DENND5A: variants seen among roughly 807,000 people sequenced by gnomAD.
The protein encoded by DENND5A is DENN domain containing 5A.
DENND5A carries 64 observed loss-of-function variants against 140.3 expected under a neutral mutation model. That is an observed-to-expected ratio of 0.46 (90% CI 0.37 to 0.56). The LOEUF is 0.56. Among genes scored for constraint, DENND5A ranks in the 20% least tolerant of loss-of-function variants. The pLI is 0.00. For missense variants in DENND5A, 1,292 were observed against 1,593.8 expected, an observed-to-expected ratio of 0.81 and a Z score of 3.22; for synonymous variants, 605 against 607.7, an observed-to-expected ratio of 1.00 and a Z score of 0.07.
chr11:9,156,748 G>C (rs138731886), intron 12 of DENND5A, among the ~76,000 whole-genome samples: 3,549 of 152,088 alleles, frequency 0.023, 157 homozygotes, highest in African/African-American at 0.081. Context: ...GTTGCAGTGA[G>C]CTGAGATCAT....
intron 1 of DENND5A, among the ~76,000 whole-genome samples, chr11:9,233,508 T>C (rs950595006): frequency 2.0e-5 from 3 of 151,854 alleles, no homozygotes; most frequent in African/African-American, 7.3e-5. Flanking sequence ...CCAGAAGCTA[T>C]GAATGTTATC....
intron 1 of DENND5A, among the ~76,000 whole-genome samples, chr11:9,227,710 C>T (rs974461163): frequency 2.0e-5 from 3 of 151,904 alleles, no homozygotes; most frequent in South Asian, 4.2e-4. Flanking sequence ...TGTAATCTAA[C>T]ACTATGGGAG....
chr11:9,223,063 T>C (rs1232191830), intron 1 of DENND5A, among the ~76,000 whole-genome samples: 1 of 152,234 alleles, frequency 6.6e-6, no homozygotes, highest in African/African-American at 2.4e-5. Flanking sequence ...TAGAATGATC[T>C]AGAATACAAG....
intron 1 of DENND5A, among the ~76,000 whole-genome samples, chr11:9,240,964 G>A (rs1029439098): frequency 6.6e-6 from 1 of 152,170 alleles, no homozygotes; most frequent in Non-Finnish European, 1.5e-5. Flanking sequence ...CCAAAATTTG[G>A]AAGTTCTTTC....
chr11:9,201,612 G>C (rs1849526555), intron 4 of DENND5A, among the ~76,000 whole-genome samples: 1 of 152,170 alleles, frequency 6.6e-6, no homozygotes, highest in Non-Finnish European at 1.5e-5. Context: ...CGAGGCTGCA[G>C]TGAGCCATGA....
At chr11:9,239,186 A>G (rs1354834854) in intron 1 of DENND5A, among the ~76,000 whole-genome samples, 1 of 151,582 alleles carries the variant, frequency 6.6e-6, no homozygotes, top group Non-Finnish European at 1.5e-5. Context: ...TTAAAACTCA[A>G]CATTTTATTT....
At chr11:9,151,145 C>T (rs1461316699) in intron 13 of DENND5A, among the ~76,000 whole-genome samples, 1 of 152,204 alleles carries the variant, frequency 6.6e-6, no homozygotes, top group Non-Finnish European at 1.5e-5. Flanking sequence ...TCCACAGAAG[C>T]AGTGCTTCCA....
intron 12 of DENND5A, among the ~76,000 whole-genome samples, chr11:9,154,481 T>TAGGGGTATATAG (rs918421555): frequency 4.6e-5 from 7 of 152,112 alleles, no homozygotes; most frequent in Admixed American, 3.9e-4. Flanking sequence ...CCCATGAGAA[T>TAGGGGTATATAG]ACTGAGGGTC....
chr11:9,183,499 C>G (rs1848803562), intron 5 of DENND5A, among the ~76,000 whole-genome samples: 1 of 151,238 alleles, frequency 6.6e-6, no homozygotes, highest in Non-Finnish European at 1.5e-5. Flanking sequence ...TGCAGTGGCA[C>G]AGTCATGGCT....
intron 1 of DENND5A, among the ~76,000 whole-genome samples, chr11:9,248,491 C>CA (rs1222188733): frequency 6.6e-6 from 1 of 151,922 alleles, no homozygotes; most frequent in African/African-American, 2.4e-5. Flanking sequence ...ACTATCTCTA[C>CA]AAAAAATTTA....
intron 3 of DENND5A, 83 bp from the exon 4 acceptor site, chr11:9,204,400 A>AG: frequency 7.5e-7 from 1 of 1,339,184 alleles, no homozygotes; most frequent in East Asian, 2.3e-5. Flanking sequence ...TTATTTATTT[A>AG]TAGAGCACCT....
At chr11:9,151,629 A>G (rs1256693971) in intron 13 of DENND5A, among the ~76,000 whole-genome samples, 1 of 152,148 alleles carries the variant, frequency 6.6e-6, no homozygotes, top group African/African-American at 2.4e-5. Context: ...AATGTCTGGC[A>G]GAGTGGAGAA....
At chr11:9,162,111 A>G (rs1375573997) in intron 11 of DENND5A, among the ~76,000 whole-genome samples, 2 of 151,022 alleles carry the variant, frequency 1.3e-5, no homozygotes, top group East Asian at 3.8e-4. Flanking sequence ...ACTTTTCAGA[A>G]GCAACAACTC....
At chr11:9,197,920 G>T (rs1361786334) in intron 4 of DENND5A, among the ~76,000 whole-genome samples, 3 of 152,090 alleles carry the variant, frequency 2.0e-5, no homozygotes, top group African/African-American at 4.8e-5. Context: ...ACTTTAGATA[G>T]TAAAATATCA....
At chr11:9,178,094 C>A in intron 8 of DENND5A, 38 bp downstream of exon 8, 1 of 1,387,758 alleles carries the variant, frequency 7.2e-7, no homozygotes, top group East Asian at 2.3e-5. Context: ...ATGCCATAAT[C>A]CAAGAGGCCT....
At chr11:9,193,396 A>C (rs1849207334) in intron 5 of DENND5A, 98 bp downstream of exon 5, 1 of 971,490 alleles carries the variant, frequency 1.0e-6, no homozygotes, top group East Asian at 2.8e-5. Flanking sequence ...AATAGAAGAA[A>C]ATAAACTTGG....
intron 1 of DENND5A, among the ~76,000 whole-genome samples, chr11:9,245,034 C>T (rs1007864844): frequency 6.6e-6 from 1 of 151,334 alleles, no homozygotes; most frequent in Admixed American, 6.6e-5. Flanking sequence ...CCTGTAATCC[C>T]AGCACTTTGG....
At chr11:9,174,357 A>G (rs989351555) in intron 8 of DENND5A, among the ~76,000 whole-genome samples, 1 of 151,788 alleles carries the variant, frequency 6.6e-6, no homozygotes, top group African/African-American at 2.4e-5. Context: ...GCCTACAATA[A>G]ATACCCTTTA....
chr11:9,248,963 C>T (rs1473659281), intron 1 of DENND5A, among the ~76,000 whole-genome samples: 3 of 152,054 alleles, frequency 2.0e-5, no homozygotes, highest in African/African-American at 4.8e-5. Flanking sequence ...CCTGGCTGGG[C>T]GCGGTGGCTC....
Sources: allele counts gnomAD v4.1 joint callset (sites outside exome capture counted in the v4.1 genomes callset), GRCh38; gene constraint gnomAD v4.1.1; transcripts MANE v1.5; gene names NCBI Gene and HGNC (gene_info 2026-07-23, HGNC 2026-07-21).